The following HPSE2 variants were observed in gnomAD, a reference collection of about 807,000 sequenced individuals.
HPSE2 encodes heparanase 2 (inactive).
HPSE2 carries 38 observed loss-of-function variants against 60.5 expected under a neutral mutation model. That is an observed-to-expected ratio of 0.63 (90% CI 0.48 to 0.82). The LOEUF is 0.82. HPSE2 is among the 40% of genes least tolerant of loss of function. HPSE2 has a pLI of 0.00. For missense variants in HPSE2, 713 were observed against 740.4 expected (o/e 0.96, Z 0.43); for synonymous variants, 295 against 293.2 (o/e 1.01, Z -0.06).
At chr10:98,739,316 C>G (rs1949436199) in intron 4 of HPSE2, among the ~76,000 whole-genome samples, 1 of 151,878 alleles carries the variant, frequency 6.6e-6, no homozygotes, top group Non-Finnish European at 1.5e-5. Context: ...ACACTGTGGT[C>G]TGTCGTGGGG....
intron 4 of HPSE2, among the ~76,000 whole-genome samples, chr10:98,734,709 T>C (rs1410599226): frequency 2.6e-5 from 4 of 152,184 alleles, no homozygotes; most frequent in Non-Finnish European, 5.9e-5. Flanking sequence ...GCTTCTTGTG[T>C]TGTCCTTAAT....
chr10:98,921,450 C>T (rs1223727647), intron 3 of HPSE2, among the ~76,000 whole-genome samples: 3 of 152,164 alleles, frequency 2.0e-5, no homozygotes, highest in Admixed American at 6.6e-5. Flanking sequence ...AAGCTGGCCT[C>T]TTTCTGAATT....
At chr10:99,004,349 C>T (rs369320416) in intron 3 of HPSE2, among the ~76,000 whole-genome samples, 17 of 151,790 alleles carry the variant, frequency 1.1e-4, no homozygotes, top group African/African-American at 3.6e-4. Context: ...TTCTCTCTTG[C>T]TGTCTTCCTT....
intron 3 of HPSE2, among the ~76,000 whole-genome samples, chr10:98,916,068 G>A (rs944536327): frequency 5.9e-5 from 9 of 152,158 alleles, no homozygotes; most frequent in South Asian, 2.1e-4. Context: ...CAGAGCCAAC[G>A]GGGATGAGAT....
chr10:98,578,432 T>C (rs934446760), intron 9 of HPSE2, among the ~76,000 whole-genome samples: 5 of 152,184 alleles, frequency 3.3e-5, no homozygotes, highest in Non-Finnish European at 7.3e-5. Context: ...TGGGCCACAC[T>C]CCTGCTTTTT....
At chr10:99,081,645 T>A (rs966754214) in intron 3 of HPSE2, among the ~76,000 whole-genome samples, 3 of 151,770 alleles carry the variant, frequency 2.0e-5, no homozygotes, top group African/African-American at 7.3e-5. Context: ...TCTTTTTATT[T>A]TTTTTTTTAA....
At chr10:99,128,596 C>G (rs1845255716) in intron 3 of HPSE2, among the ~76,000 whole-genome samples, 1 of 152,088 alleles carries the variant, frequency 6.6e-6, no homozygotes, top group South Asian at 2.1e-4. Flanking sequence ...AAACCAAACA[C>G]CATATGTTCT....
intron 3 of HPSE2, among the ~76,000 whole-genome samples, chr10:98,854,927 C>T (rs1308839933): frequency 6.6e-6 from 1 of 152,166 alleles, no homozygotes; most frequent in East Asian, 1.9e-4. Context: ...AATGTTAACT[C>T]ACTGGAGTTT....
rs181036542 is a variant in HPSE2 at position 98,804,948 on chromosome 10, C to T, written c.611-60892G>A. Reference sequence around the variant, plus strand: ...TTATACACAATAGAGTAATATTCAGCCAGAAAAAGAATCAGATCCTGTCAT... The same window carrying T: ...TTATACACAATAGAGTAATATTCAGTCAGAAAAAGAATCAGATCCTGTCAT... On this transcript the variant is annotated intron_variant, in intron 3 of 11. Transcript: ENST00000370552. Among the ~76,000 whole-genome samples, 8 of 152,142 alleles carry T rather than the reference C, an allele frequency of 5.3e-5. No individual in the cohort carries two copies. The East Asian group carries it at 1.4e-3, about 26-fold the overall frequency.
chr10:99,065,819 T>A (rs1030960746), intron 3 of HPSE2, among the ~76,000 whole-genome samples: 3 of 152,190 alleles, frequency 2.0e-5, no homozygotes, highest in African/African-American at 4.8e-5. Flanking sequence ...CCAAAATACA[T>A]GTCTGACCCT....
intron 3 of HPSE2, among the ~76,000 whole-genome samples, chr10:98,979,665 C>T (rs1268135952): frequency 6.6e-6 from 1 of 152,162 alleles, no homozygotes. Context: ...GTGTATTTCT[C>T]CTAGTAGCAA....
chr10:98,775,593 A>G (rs1201436594), intron 3 of HPSE2, among the ~76,000 whole-genome samples: 1 of 152,220 alleles, frequency 6.6e-6, no homozygotes, highest in Non-Finnish European at 1.5e-5. Flanking sequence ...GGAAAAGAGC[A>G]CTGTACTAGG....
At chr10:99,050,851 T>A (rs1957974875) in intron 3 of HPSE2, among the ~76,000 whole-genome samples, 1 of 152,032 alleles carries the variant, frequency 6.6e-6, no homozygotes, top group Non-Finnish European at 1.5e-5. Flanking sequence ...AGAGTAGGGA[T>A]AATAAGGAGA....
intron 3 of HPSE2, among the ~76,000 whole-genome samples, chr10:99,101,198 T>TA (rs1843964831): frequency 6.6e-6 from 1 of 152,088 alleles, no homozygotes; most frequent in East Asian, 1.9e-4. Context: ...ACTGGCAAAC[T>TA]GTATAAAGAG....
rs563948928 is a variant in HPSE2, at chr10:99,137,181, C to A, written c.610+7057G>T. Among the ~76,000 whole-genome samples the A allele has an allele frequency of 2.0e-5, 3 of 152,272 alleles. No individual in the cohort carries two copies. The East Asian group carries it at 5.8e-4, about 29-fold the overall frequency. On this transcript the variant is annotated intron_variant, in intron 3 of 11. Transcript: ENST00000370552. The stretch of plus-strand genomic sequence containing the variant: ...ATAAAATACCTAGGAGTCCAACTTA[C>A]AAGGGATGTGAAGTACCTCTTCAAG...
chr10:99,111,408 C>A lies in HPSE2; in HGVS notation c.610+32830G>T, dbSNP rs530738037. Among the ~76,000 whole-genome samples the A allele has an allele frequency of 2.0e-5, 3 of 152,188 alleles. No individual in the cohort carries two copies. In the East Asian group the frequency reaches 5.8e-4, roughly 29 times the overall value. On this transcript the variant is annotated intron_variant, in intron 3 of 11. Transcript: ENST00000370552. Reference sequence around the variant, plus strand: ...GCTACAGACTCCACAAAATTAGGACCCACCTCTGCATAGTTCAAGTTATGA... The same window carrying A: ...GCTACAGACTCCACAAAATTAGGACACACCTCTGCATAGTTCAAGTTATGA...
chr10:98,480,608 G>A (rs746875036), intron 11 of HPSE2, among the ~76,000 whole-genome samples: 13 of 152,146 alleles, frequency 8.5e-5, no homozygotes, highest in Non-Finnish European at 1.6e-4. Context: ...TTAGAGTCCT[G>A]CCTGCATCCT....
At chr10:98,977,286 T>C (rs918234231) in intron 3 of HPSE2, among the ~76,000 whole-genome samples, 2 of 152,110 alleles carry the variant, frequency 1.3e-5, no homozygotes, top group African/African-American at 4.8e-5. Flanking sequence ...GCAGATAGAA[T>C]GGCAATGACA....
the HPSE2 span, among the ~76,000 whole-genome samples, chr10:99,274,115 G>A: frequency 6.6e-6 from 1 of 152,246 alleles, no homozygotes; most frequent in African/African-American, 2.4e-5. Context: ...GGAGGCCAAG[G>A]CAGGCAGATC....
Sources: gnomAD v4.1 joint callset for allele counts (sites outside exome capture counted in the v4.1 genomes callset) on GRCh38, gnomAD v4.1.1 for gene constraint, MANE v1.5 for transcripts, NCBI Gene and HGNC (gene_info 2026-07-23, HGNC 2026-07-21) for gene names.